THBS3: variants seen among roughly 807,000 people sequenced by gnomAD.
THBS3 encodes the protein thrombospondin-3.
A neutral mutation model predicts 118.3 loss-of-function variants in THBS3; 78 were observed. The ratio of observed to expected loss-of-function variants is 0.66; its 90% CI spans 0.55 to 0.80. The LOEUF (loss-of-function observed/expected upper bound fraction) is 0.80. Ranked by LOEUF, THBS3 falls within the 30% of genes least tolerant of loss-of-function variation. THBS3 has a pLI of 0.00. For missense variants in THBS3, 1,057 were observed against 1,247.4 expected (o/e 0.85, Z 2.30); for synonymous variants, 427 against 475.3 (o/e 0.90, Z 1.32).
Position 155,202,442 on chromosome 1 carries a change from G to A in THBS3, c.958-41C>T, listed in dbSNP as rs1669914938. ...GAAGGCAGAGGTCAGGCCGCCCTCT[G>A]GGAAACTCAGGTCCCTGCCTGTGAT... On this transcript the variant is annotated intron_variant, in intron 8 of 22. Coordinates refer to ENST00000368378, the MANE Select transcript of THBS3 (RefSeq NM_007112.5). The surrounding 1 kb of genome is among the most constrained non-coding windows in gnomAD (Gnocchi z 5.5). 2 of 1,604,542 alleles carry A rather than the reference G, an allele frequency of 1.2e-6. No homozygotes were observed. Among genetic ancestry groups the A allele is most frequent in the Non-Finnish European group, 1.7e-6 (2 of 1,175,708 alleles).
At position 155,206,025 on chromosome 1, in the gene THBS3, C is replaced by T. The variant is rs1384369050; in HGVS notation, c.286+175G>A. ...CACCCTATTGTTTGGTACATGGGCT[C>T]CTAAAGCACCTTATAAGCACCCCAT... On this transcript the variant is annotated intron_variant, in intron 2 of 22. Transcript: ENST00000368378. The surrounding 1 kb of genome is among the most constrained non-coding windows in gnomAD (Gnocchi z 4.2). Among the ~76,000 whole-genome samples, 1 of 152,200 alleles carries T rather than the reference C, an allele frequency of 6.6e-6. No homozygotes were observed. Among genetic ancestry groups the T allele is most frequent in the Non-Finnish European group, 1.5e-5 (1 of 68,040 alleles).
chr1:155,208,212 G>C (rs766243147), upstream of THBS3, among the ~76,000 whole-genome samples: 4 of 151,946 alleles, frequency 2.6e-5, no homozygotes, highest in Admixed American at 2.0e-4. Flanking sequence ...CACGATTGTG[G>C]AAGGCAAGAA....
chr1:155,202,774 CA>C lies in THBS3; in HGVS notation c.957+37del. ...TGGGTGCCTCCTGACATCCTCACCC[CA>C]GTTTTCTGTACCCTTCTGGGCTCTG... On this transcript the variant is annotated intron_variant, in intron 8 of 22. Transcript: ENST00000368378. This position sits in a 1 kb window ranked among gnomAD's most constrained non-coding sequence, Gnocchi z 5.5. 6.3e-7 allele frequency: 1 copy of C among 1,579,050 alleles called. No individual in the cohort carries two copies. The highest frequency in any genetic ancestry group is 8.6e-7 in the Non-Finnish European group (1 of 1,161,404).
Position 155,200,564 on chromosome 1 carries a change from G to A in THBS3, c.1595C>T (p.Thr532Ile). ...FPNKDQQNSD[T>I]DSFGDACDNC... is the part of the protein sequence containing the mutation. Reference sequence around the variant, plus strand: ...GTCACAGGCATCACCAAATGAATCTGTATCTGAGTTCTGCTGGTCTTTGTT... The same window carrying A: ...GTCACAGGCATCACCAAATGAATCTATATCTGAGTTCTGCTGGTCTTTGTT... The change falls in exon 14 of 23, where the codon ACA becomes ATA. Residue 532 changes from threonine (T) to isoleucine (I), a missense_variant. Transcript: ENST00000368378. The A allele has an allele frequency of 1.9e-6, 3 of 1,614,060 alleles. No individual in the cohort carries two copies. The highest frequency in any genetic ancestry group is 2.5e-6 in the Non-Finnish European group (3 of 1,180,022).
Position 155,205,128 on chromosome 1 carries a change from GGGCCAGTGCTGGAA to G in THBS3, c.461_474del (p.Leu154ProfsTer13), listed in dbSNP as rs1371529039. 6.2e-7 allele frequency: 1 copy of G among 1,614,166 alleles called. No individual in the cohort carries two copies. Among genetic ancestry groups the G allele is most frequent in the Non-Finnish European group, 8.5e-7 (1 of 1,180,038 alleles). On this transcript the variant is annotated frameshift_variant, in exon 3 of 23. Coordinates refer to ENST00000368378, the MANE Select transcript of THBS3 (RefSeq NM_007112.5). LOFTEE classifies it high-confidence loss of function. ...CCATCGACCTCCGCTGGAGGAATGG[GGGCCAGTGCTGGAA>G]GGCCTGCATGTTGGTCACCCAGTTT...
intron 4 of THBS3, 118 bp downstream of exon 4, chr1:155,204,737 C>T: frequency 3.2e-6 from 3 of 945,020 alleles, no homozygotes; most frequent in East Asian, 2.4e-5. Context: ...GGTTAGAAAC[C>T]CTAGGAACAG....
At chr1:155,209,023 C>T (rs1476571504), upstream of THBS3, 6 of 1,574,788 alleles carry the variant, frequency 3.8e-6, no homozygotes, top group Admixed American at 1.8e-5. Context: ...CAGCGCTGTC[C>T]CGCTACGTGG....
In THBS3 at chr1:155,201,474, G is replaced by T. The variant is rs531878119; in HGVS notation, c.1272C>A (p.Ser424Arg). 6.2e-7 allele frequency: 1 copy of T among 1,613,866 alleles called. No individual in the cohort carries two copies. The highest frequency in any genetic ancestry group is 1.1e-5 in the South Asian group (1 of 91,056). ...GACAGTGAGCATGGATGTGGCAGGGGCTGTGGGCTGGGCTGTGGCAGGTCC... is the reference window on the plus strand; with the variant it reads ...GACAGTGAGCATGGATGTGGCAGGGTCTGTGGGCTGGGCTGTGGCAGGTCC... The part of the protein sequence containing the change: ...PARTCHSPAH[S>R]PCHIHAHCLF... The change falls in exon 11 of 23, where the codon AGC becomes AGA. Residue 424 changes from serine (S) to arginine (R), a missense_variant. By Grantham distance (110) the Ser-to-Arg change is moderately radical. This residue lies in a region of THBS3 where 544 missense variants were observed against 715.6 expected (regional missense o/e 0.76). Coordinates refer to ENST00000368378, the MANE Select transcript of THBS3 (RefSeq NM_007112.5).
chr1:155,196,405 G>A, intron 21 of THBS3: 8 of 474,554 alleles, frequency 1.7e-5, no homozygotes, highest in Non-Finnish European at 3.0e-5. Context: ...ACAATGGGCT[G>A]GGGGGTGAAG....
At chr1:155,208,099 A>G (rs1670821844), upstream of THBS3, 9 of 573,504 alleles carry the variant, frequency 1.6e-5, no homozygotes, top group South Asian at 1.3e-4. Context: ...CCTGCTTTCT[A>G]CCTCTCCCTA....
At chr1:155,205,459 A>G (rs1455943471) in intron 2 of THBS3, 143 bp from the exon 3 acceptor site, 9 of 1,111,590 alleles carry the variant, frequency 8.1e-6, no homozygotes, top group Non-Finnish European at 1.0e-5. Flanking sequence ...CTTGTATTTA[A>G]TAGGTACACA....
chr1:155,197,420 T>C lies in THBS3; in HGVS notation c.2499+43A>G. ...GGCCCTGGGGCTGCAGAGGAGAGCT[T>C]TGGGAAAGGGCCCTGGGTTGCGGAA... On this transcript the variant is annotated intron_variant, in intron 20 of 22. Transcript: ENST00000368378. The surrounding 1 kb of genome is among the most constrained non-coding windows in gnomAD (Gnocchi z 5.0). 1 of 1,597,216 alleles carries C rather than the reference T, an allele frequency of 6.3e-7. No individual in the cohort carries two copies.
In THBS3 at chr1:155,202,883, G is replaced by C; in HGVS notation, c.886C>G (p.Pro296Ala). 6.2e-7 allele frequency: 1 copy of C among 1,613,820 alleles called. No homozygotes were observed. Among genetic ancestry groups the C allele is most frequent in the Non-Finnish European group, 8.5e-7 (1 of 1,180,026 alleles). ...GGGCAGGGCCCACAGCGGTAGCCTG[G>C]GTACTCGTACACTTCCATGCAGTCC... is the stretch of plus-strand genomic sequence containing the variant. Reference protein sequence around the residue: ...GVDCMEVYEYPGYRCGPCPPG... With the variant: ...GVDCMEVYEYAGYRCGPCPPG... Residue 296 changes from proline to alanine, a missense_variant, in exon 8 of 23, where the codon CCA (proline) becomes GCA (alanine). Pro to Ala is a conservative substitution (Grantham distance 27). Around this residue, in one of 3 missense-constraint regions of THBS3, gnomAD observed 544 missense variants for 715.6 expected, o/e 0.76. Coordinates refer to ENST00000368378, the MANE Select transcript of THBS3 (RefSeq NM_007112.5). This position sits in a 1 kb window ranked among gnomAD's most constrained non-coding sequence, Gnocchi z 5.5.
chr1:155,204,859 A>G lies in THBS3; in HGVS notation c.642T>C (p.Ser214=). 2 of 1,613,866 alleles carry G rather than the reference A, an allele frequency of 1.2e-6. No individual in the cohort carries two copies. Among genetic ancestry groups the G allele is most frequent in the South Asian group, 2.2e-5 (2 of 91,068 alleles). The part of the protein sequence containing the change: ...CPFQGDESIH[S]AVTNALHSIL... ...GCAAACAAGTCTCTGTGTTACCTGC[A>G]CTGTGGATGGACTCGTCCCCTTGGA... is the stretch of plus-strand genomic sequence containing the variant. The change falls in exon 4 of 23, where the codon AGT becomes AGC. Residue 214 remains serine (S), a synonymous_variant. Transcript: ENST00000368378.
At chr1:155,207,961 G>T, upstream of THBS3, 1 of 1,124,660 alleles carries the variant, frequency 8.9e-7, no homozygotes. Flanking sequence ...CCGGGGGGCG[G>T]AGGGACAGAA....
At position 155,199,793 on chromosome 1, in the gene THBS3, C is replaced by CAAG. The variant is rs1157374531; in HGVS notation, c.1880+8_1880+10dup. ...AAAGAAAGACCTTGCGTCTCTTGAC[C>CAAG]AAGACCTTACCTGTCTTCATTAGTA... On this transcript the variant is annotated intron_variant, in intron 16 of 22. Coordinates refer to ENST00000368378, the MANE Select transcript of THBS3 (RefSeq NM_007112.5). The CAAG allele has an allele frequency of 3.1e-6, 5 of 1,614,066 alleles. No individual in the cohort carries two copies. The highest frequency in any genetic ancestry group is 4.2e-6 in the Non-Finnish European group (5 of 1,179,970).
In THBS3 at chr1:155,200,077, G is replaced by C; in HGVS notation, c.1745C>G (p.Pro582Arg). 1.3e-6 allele frequency: 2 copies of C among 1,592,682 alleles called. No homozygotes were observed. Among genetic ancestry groups the C allele is most frequent in the Non-Finnish European group, 1.7e-6 (2 of 1,169,614 alleles). Reference sequence around the variant, plus strand: ...ATCCCTGTCTGTCTGTAGTGGGTTGGGGACTTTAGGGCAATTGTCCAATCC... The same window carrying C: ...ATCCCTGTCTGTCTGTAGTGGGTTGCGGACTTTAGGGCAATTGTCCAATCC... ...PNGLDNCPKV[P>R]NPLQTDRDED... The change falls in exon 15 of 23, where the codon CCC becomes CGC. Residue 582 changes from proline (P) to arginine (R), a missense_variant. Physicochemically the swap from Pro to Arg is moderately radical, Grantham distance 103. This residue lies in a region of THBS3 where 544 missense variants were observed against 715.6 expected (regional missense o/e 0.76). Transcript: ENST00000368378.
chr1:155,206,484 C>T lies in THBS3; in HGVS notation c.80-78G>A, dbSNP rs1670558410. On this transcript the variant is annotated intron_variant, in intron 1 of 22. Coordinates refer to ENST00000368378, the MANE Select transcript of THBS3 (RefSeq NM_007112.5). This position sits in a 1 kb window ranked among gnomAD's most constrained non-coding sequence, Gnocchi z 4.2. ...TGCCCTCCCCCGAGCCCACATCACC[C>T]CCTACCCCCACCACCAGGCAGCGTT... 2.3e-6 allele frequency: 3 copies of T among 1,281,938 alleles called. No homozygotes were observed. Among genetic ancestry groups the T allele is most frequent in the Non-Finnish European group, 3.3e-6 (3 of 913,672 alleles). The allele number at this position is 1,281,938 out of a possible 1,614,324, so 79.4% of individuals were successfully genotyped here. A position where few individuals can be genotyped will look rare whatever the true frequency, so the allele number is the denominator to read the frequency against.
chr1:155,200,293 C>T, intron 14 of THBS3, 158 bp downstream of exon 14: 1 of 1,036,238 alleles, frequency 9.7e-7, no homozygotes, highest in Non-Finnish European at 1.4e-6. Flanking sequence ...CCTCACATTC[C>T]TATTGACATC....
Sources: allele counts gnomAD v4.1 joint callset (sites outside exome capture counted in the v4.1 genomes callset), GRCh38; gene constraint gnomAD v4.1.1; regional missense constraint gnomAD v4.1.1; non-coding constraint Gnocchi (gnomAD v3.1); transcripts MANE v1.5; gene names NCBI Gene and HGNC (gene_info 2026-07-23, HGNC 2026-07-21).